CNTLN: variants seen among roughly 807,000 people sequenced by gnomAD.
CNTLN encodes the protein centlein, centrosomal protein.
A neutral mutation model predicts 180.0 loss-of-function variants in CNTLN; 212 were observed. The ratio of observed to expected loss-of-function variants is 1.18; its 90% CI spans 1.05 to 1.32. The LOEUF (loss-of-function observed/expected upper bound fraction) is 1.32. Ranked by LOEUF, CNTLN falls within the 40% of genes most tolerant of loss-of-function variation. CNTLN has a pLI of 0.00. For missense variants in CNTLN, 2,095 were observed against 1,610.9 expected, an observed-to-expected ratio of 1.30 and a Z score of -5.14; for synonymous variants, 722 against 563.1, an observed-to-expected ratio of 1.28 and a Z score of -3.99.
chr9:17,169,723 T>A (rs1462121490), intron 2 of CNTLN, among the ~76,000 whole-genome samples: 1 of 152,198 alleles, frequency 6.6e-6, no homozygotes, highest in Non-Finnish European at 1.5e-5. Context: ...TGTATGGATT[T>A]TTTTCAGATT....
At chr9:17,267,961 A>T (rs1001292653) in intron 5 of CNTLN, among the ~76,000 whole-genome samples, 7 of 151,756 alleles carry the variant, frequency 4.6e-5, no homozygotes, top group Non-Finnish European at 1.0e-4. Context: ...CAAACTTTTA[A>T]CTTCTTTCCC....
chr9:17,367,668 A>G (rs1158228648), intron 13 of CNTLN, among the ~76,000 whole-genome samples: 2 of 152,072 alleles, frequency 1.3e-5, no homozygotes, highest in Admixed American at 6.6e-5. Context: ...CCACAATAGG[A>G]TAGGGCGCTA....
intron 7 of CNTLN, chr9:17,298,840 A>G (rs1448219899): frequency 1.0e-6 from 1 of 985,686 alleles, no homozygotes; most frequent in Non-Finnish European, 1.2e-6. Flanking sequence ...GTTTCTGTTC[A>G]GTAGTCTTTT....
intron 6 of CNTLN, among the ~76,000 whole-genome samples, chr9:17,294,910 C>T (rs1176829421): frequency 2.7e-4 from 2 of 7,448 alleles, no homozygotes; most frequent in African/African-American, 6.4e-4. Context: ...GGGGGGAGGG[C>T]GGGGGGGAGT....
At chr9:17,459,188 A>G (rs1053993877) in intron 19 of CNTLN, among the ~76,000 whole-genome samples, 1 of 151,894 alleles carries the variant, frequency 6.6e-6, no homozygotes, top group African/African-American at 2.4e-5. Flanking sequence ...TTACATAAAC[A>G]GTTTTTAGTT....
In CNTLN at chr9:17,492,669, C is replaced by T. The variant is rs576570303; in HGVS notation, c.4119+5603C>T. On this transcript the variant is annotated intron_variant, in intron 25 of 25. Transcript: ENST00000380647. ...AAAAGGGTGCTGTTATTGTGGAAAA[C>T]GCTATGGCAGTTCCTCCACACATTA... is the stretch of plus-strand genomic sequence containing the variant. 3.9e-5 allele frequency among the ~76,000 whole-genome samples: 6 copies of T among 152,180 alleles called. No individual in the cohort carries two copies. The East Asian group carries it at 9.6e-4, about 24-fold the overall frequency.
chr9:17,482,470 A>T (rs1193442467), intron 23 of CNTLN, among the ~76,000 whole-genome samples: 1 of 152,210 alleles, frequency 6.6e-6, no homozygotes, highest in African/African-American at 2.4e-5. Flanking sequence ...ATGGAAAGGA[A>T]TACCATGTTC....
At chr9:17,169,712 G>A (rs955292430) in intron 2 of CNTLN, among the ~76,000 whole-genome samples, 1 of 151,946 alleles carries the variant, frequency 6.6e-6, no homozygotes, top group Non-Finnish European at 1.5e-5. Context: ...TTGACCATTT[G>A]TGTATGGATT....
At chr9:17,361,645 T>A (rs564049123) in intron 12 of CNTLN, among the ~76,000 whole-genome samples, 97 of 152,356 alleles carry the variant, frequency 6.4e-4, no homozygotes, top group African/African-American at 2.1e-3. Context: ...AAATTCTGGC[T>A]GTTTTAGACT....
chr9:17,297,083 C>T, intron 6 of CNTLN, among the ~76,000 whole-genome samples: 1 of 152,132 alleles, frequency 6.6e-6, no homozygotes, highest in East Asian at 1.9e-4. Context: ...CGGATTCAAC[C>T]AATCATGAAT....
chr9:17,262,167 C>T (rs1045031053), intron 5 of CNTLN, among the ~76,000 whole-genome samples: 10 of 151,482 alleles, frequency 6.6e-5, no homozygotes, highest in Non-Finnish European at 1.0e-4. Flanking sequence ...GACAGTGTGG[C>T]GATTCCTCAG....
chr9:17,193,877 G>T (rs934428242), intron 2 of CNTLN, among the ~76,000 whole-genome samples: 2 of 152,182 alleles, frequency 1.3e-5, no homozygotes, highest in Non-Finnish European at 2.9e-5. Context: ...AGGTGTTTCC[G>T]TACATCTTCT....
intron 10 of CNTLN, among the ~76,000 whole-genome samples, chr9:17,339,439 A>T (rs914539361): frequency 7.9e-5 from 12 of 152,206 alleles, no homozygotes; most frequent in African/African-American, 2.9e-4. Flanking sequence ...ACCTAGGTTA[A>T]CTTATTTCAT....
At chr9:17,438,264 A>G (rs527506344) in intron 18 of CNTLN, among the ~76,000 whole-genome samples, 3 of 152,270 alleles carry the variant, frequency 2.0e-5, no homozygotes, top group Non-Finnish European at 4.4e-5. Context: ...GCAAGCAACT[A>G]GATAAATTAT....
intron 3 of CNTLN, among the ~76,000 whole-genome samples, chr9:17,226,889 G>A (rs1824502952): frequency 6.6e-6 from 1 of 151,754 alleles, no homozygotes; most frequent in Non-Finnish European, 1.5e-5. Context: ...ACAGGGCATG[G>A]TGAGGGAGGT....
At chr9:17,472,774 C>T (rs1289534004) in intron 23 of CNTLN, among the ~76,000 whole-genome samples, 1 of 152,180 alleles carries the variant, frequency 6.6e-6, no homozygotes, top group Non-Finnish European at 1.5e-5. Flanking sequence ...TTGGCCTTGT[C>T]ATTACGCATA....
chr9:17,410,714 T>C (rs1448119515), intron 16 of CNTLN, among the ~76,000 whole-genome samples: 3 of 152,188 alleles, frequency 2.0e-5, no homozygotes, highest in African/African-American at 7.2e-5. Flanking sequence ...ATGTCTAGCA[T>C]TGATTTTTTC....
chr9:17,516,311 G>A, the CNTLN span, among the ~76,000 whole-genome samples: 14 of 152,164 alleles, frequency 9.2e-5, no homozygotes, highest in Non-Finnish European at 1.6e-4. Context: ...AACAGTGTGG[G>A]GGAGAAAAAG....
intron 12 of CNTLN, among the ~76,000 whole-genome samples, chr9:17,357,084 T>C (rs998262382): frequency 6.6e-6 from 1 of 152,146 alleles, no homozygotes; most frequent in African/African-American, 2.4e-5. Flanking sequence ...TTCTAGGTGC[T>C]TCATGTAAGT....
Sources: allele counts gnomAD v4.1 joint callset (sites outside exome capture counted in the v4.1 genomes callset), GRCh38; gene constraint gnomAD v4.1.1; transcripts MANE v1.5; gene names NCBI Gene and HGNC (gene_info 2026-07-23, HGNC 2026-07-21).